The following JMJD1C variants were observed in gnomAD, a reference collection of about 807,000 sequenced individuals.
JMJD1C encodes the protein jumonji domain containing 1C.
In JMJD1C, 31 loss-of-function variants were observed where a neutral mutation model predicts 245.3. The ratio of observed to expected loss-of-function variants is 0.13; its 90% CI spans 0.09 to 0.17. JMJD1C has a LOEUF of 0.17. Ranked by LOEUF, JMJD1C falls within the 10% of genes least tolerant of loss-of-function variation. JMJD1C has a pLI of 1.00. For synonymous variants in JMJD1C, 1,057 were observed against 1,017.4 expected (o/e 1.04, Z -0.74); for missense variants, 2,691 against 3,000.2 (o/e 0.90, Z 2.41).
At chr10:63,336,920 A>G (rs1942795300) in intron 2 of JMJD1C, among the ~76,000 whole-genome samples, 1 of 151,968 alleles carries the variant, frequency 6.6e-6, no homozygotes, top group South Asian at 2.1e-4. Flanking sequence ...GGCTCACTGC[A>G]ACCTCCGCCT....
chr10:63,305,116 C>G (rs1257632816), intron 2 of JMJD1C, among the ~76,000 whole-genome samples: 4 of 152,016 alleles, frequency 2.6e-5, no homozygotes, highest in African/African-American at 9.7e-5. Flanking sequence ...CACCTGTAAT[C>G]CCAATACTTT....
At chr10:63,496,668 T>C (rs558361090) in intron 1 of JMJD1C, among the ~76,000 whole-genome samples, 12 of 152,252 alleles carry the variant, frequency 7.9e-5, no homozygotes, top group Non-Finnish European at 1.5e-4. Flanking sequence ...AAATCATTTG[T>C]GTCTCCTTCT....
intron 2 of JMJD1C, among the ~76,000 whole-genome samples, chr10:63,361,792 T>G (rs56231633): frequency 0.013 from 1,973 of 147,484 alleles, 29 homozygotes; most frequent in African/African-American, 0.035. Context: ...TTAAGAAATA[T>G]GGAAAGCAAA....
intron 1 of JMJD1C, among the ~76,000 whole-genome samples, chr10:63,513,748 T>C (rs957036714): frequency 6.6e-6 from 1 of 151,818 alleles, no homozygotes; most frequent in Non-Finnish European, 1.5e-5. Context: ...CCGTCTCTAC[T>C]AAAAATACAA....
At chr10:63,310,358 T>C (rs954601951) in intron 2 of JMJD1C, among the ~76,000 whole-genome samples, 2 of 152,208 alleles carry the variant, frequency 1.3e-5, no homozygotes, top group Non-Finnish European at 2.9e-5. Flanking sequence ...ATGGGAACGC[T>C]TGCCTTGCCA....
At chr10:63,375,204 T>TTTTTG (rs1946633181) in intron 2 of JMJD1C, among the ~76,000 whole-genome samples, 1 of 148,134 alleles carries the variant, frequency 6.8e-6, no homozygotes, top group African/African-American at 2.5e-5. Context: ...TTTTTTTTTT[T>TTTTTG]GAGGCAAGGT....
chr10:63,207,176 TTAC>T lies in JMJD1C; in HGVS notation c.4490_4492del (p.Ser1497del), dbSNP rs766180667. ...AGCATTAGGTTCAGTCTCACTGGCA[TTAC>T]TACTTTTATACTGAGCTGCAGCCAA... On this transcript the variant is annotated inframe_deletion, in exon 10 of 26. Transcript: ENST00000399262. 3 of 1,614,194 alleles carry T rather than the reference TTAC, an allele frequency of 1.9e-6. No individual in the cohort carries two copies. The highest frequency in any genetic ancestry group is 2.5e-6 in the Non-Finnish European group (3 of 1,180,020).
At chr10:63,321,137 T>C (rs983884601) in intron 2 of JMJD1C, among the ~76,000 whole-genome samples, 1 of 152,250 alleles carries the variant, frequency 6.6e-6, no homozygotes, top group African/African-American at 2.4e-5. Context: ...AAAGTTCCTG[T>C]TCTCTGGACC....
At chr10:63,448,008 G>A (rs1183904376) in intron 1 of JMJD1C, among the ~76,000 whole-genome samples, 1 of 151,876 alleles carries the variant, frequency 6.6e-6, no homozygotes, top group Non-Finnish European at 1.5e-5. Flanking sequence ...AAAGTATTGT[G>A]AAAACCAAGG....
intron 1 of JMJD1C, among the ~76,000 whole-genome samples, chr10:63,395,837 G>T (rs984061685): frequency 6.6e-6 from 1 of 152,052 alleles, no homozygotes; most frequent in African/African-American, 2.4e-5. Context: ...AAAGAAGCCT[G>T]ACTCAACTCT....
chr10:63,310,673 A>G (rs1388161215), intron 2 of JMJD1C, among the ~76,000 whole-genome samples: 2 of 152,210 alleles, frequency 1.3e-5, no homozygotes, highest in African/African-American at 4.8e-5. Flanking sequence ...GCTAATGTGG[A>G]AAAATGAGCT....
At position 63,168,431 on chromosome 10, in the gene JMJD1C, T is replaced by G; in HGVS notation, c.7533+4A>C. Reference sequence around the variant, plus strand: ...GAACAGGACCTAGAACACCCAACTCTTACCTGTAGTTTATCATCATAATTG... The same window carrying G: ...GAACAGGACCTAGAACACCCAACTCGTACCTGTAGTTTATCATCATAATTG... On this transcript the variant is annotated splice_donor_region_variant and intron_variant, in intron 25 of 25. Transcript: ENST00000399262. 6.2e-7 allele frequency: 1 copy of G among 1,602,904 alleles called. No homozygotes were observed. The highest frequency in any genetic ancestry group is 8.5e-7 in the Non-Finnish European group (1 of 1,176,518).
intron 1 of JMJD1C, among the ~76,000 whole-genome samples, chr10:63,414,544 A>G (rs1340843597): frequency 6.6e-6 from 1 of 152,108 alleles, no homozygotes; most frequent in East Asian, 1.9e-4. Context: ...TTACTGACAT[A>G]CAAGAAAAAT....
At chr10:63,239,789 C>T (rs1422918564) in intron 3 of JMJD1C, among the ~76,000 whole-genome samples, 1 of 152,114 alleles carries the variant, frequency 6.6e-6, no homozygotes, top group Non-Finnish European at 1.5e-5. Context: ...TGTGATTGAT[C>T]TCATTAGCTG....
chr10:63,500,805 A>C (rs1258442149), intron 1 of JMJD1C, among the ~76,000 whole-genome samples: 1 of 152,072 alleles, frequency 6.6e-6, no homozygotes, highest in Non-Finnish European at 1.5e-5. Flanking sequence ...GCACGGATGC[A>C]TGGATGCACA....
intron 2 of JMJD1C, among the ~76,000 whole-genome samples, chr10:63,375,064 T>C (rs1192014863): frequency 1.3e-5 from 2 of 152,054 alleles, no homozygotes; most frequent in Non-Finnish European, 2.9e-5. Context: ...TGAGTGGACA[T>C]GGCAAAAGCA....
chr10:63,233,878 G>A (rs1564653690), intron 3 of JMJD1C, among the ~76,000 whole-genome samples: 1 of 151,850 alleles, frequency 6.6e-6, no homozygotes, highest in Non-Finnish European at 1.5e-5. Flanking sequence ...TTTTCTGGAA[G>A]TTTTTTATTT....
intron 2 of JMJD1C, among the ~76,000 whole-genome samples, chr10:63,307,282 T>A (rs1418394631): frequency 6.6e-6 from 1 of 152,172 alleles, no homozygotes; most frequent in African/African-American, 2.4e-5. Flanking sequence ...AAAACATATA[T>A]GGAACAACTA....
rs1842051995 is a variant in JMJD1C at position 63,168,470 on chromosome 10, A to G, written c.7498T>C (p.Leu2500=). 1 of 1,609,932 alleles carries G rather than the reference A, an allele frequency of 6.2e-7. No individual in the cohort carries two copies. Among genetic ancestry groups the G allele is most frequent in the Admixed American group, 1.7e-5 (1 of 59,080 alleles). Residue 2500 remains leucine (L), a synonymous_variant, in exon 25 of 26, where the codon TTG becomes CTG. Coordinates refer to ENST00000399262, the MANE Select transcript of JMJD1C (RefSeq NM_032776.3). ...SFHLTQELRL[L]KEEINYDDKL... ...TCATCATAATTGATTTCTTCCTTCAAAAGTCTCAGTTCCTGTGTTAAATGA... is the reference window on the plus strand; with the variant it reads ...TCATCATAATTGATTTCTTCCTTCAGAAGTCTCAGTTCCTGTGTTAAATGA...
Sources: gnomAD v4.1 joint callset for allele counts (sites outside exome capture counted in the v4.1 genomes callset) on GRCh38, gnomAD v4.1.1 for gene constraint, MANE v1.5 for transcripts, NCBI Gene and HGNC (gene_info 2026-07-23, HGNC 2026-07-21) for gene names.